The following FAM110B variants were observed in gnomAD, a reference collection of about 807,000 sequenced individuals.
FAM110B encodes the protein family with sequence similarity 110 member B, also known as protein FAM110B.
FAM110B carries 6 observed loss-of-function variants against 20.4 expected under a neutral mutation model. That is an observed-to-expected ratio of 0.29 (90% CI 0.16 to 0.58). The LOEUF (loss-of-function observed/expected upper bound fraction) is 0.58. Ranked by LOEUF, FAM110B falls within the 20% of genes least tolerant of loss-of-function variation. The pLI is 0.90. For synonymous variants in FAM110B, 226 were observed against 214.1 expected (o/e 1.06, Z -0.49); for missense variants, 434 against 498.2 (o/e 0.87, Z 1.23).
intron 3 of FAM110B, among the ~76,000 whole-genome samples, chr8:58,141,399 A>C (rs1291544409): frequency 6.6e-6 from 1 of 152,226 alleles, no homozygotes; most frequent in African/African-American, 2.4e-5. Flanking sequence ...CAGATTGAAC[A>C]CATTTGTTTT....
intron 3 of FAM110B, among the ~76,000 whole-genome samples, chr8:58,118,881 C>T (rs534799870): frequency 2.6e-5 from 4 of 152,318 alleles, no homozygotes; most frequent in Admixed American, 6.5e-5. Flanking sequence ...CAACCATATT[C>T]GTGCTGCTGG....
At chr8:58,010,082 T>C (rs1804497146) in intron 1 of FAM110B, among the ~76,000 whole-genome samples, 2 of 152,114 alleles carry the variant, frequency 1.3e-5, no homozygotes, top group African/African-American at 4.8e-5. Flanking sequence ...AGTGGCATGA[T>C]CTCAGCTCAC....
Position 58,146,055 on chromosome 8 carries a change from G to C in FAM110B, c.-176G>C. On this transcript the variant is annotated 5_prime_UTR_variant, in exon 4 of 4. Transcript: ENST00000519262. ...TGGAAGGGGAGAAAAGTGTATGAAA[G>C]CCACCGTGGCGGTTAATGAGCTGTG... is the stretch of plus-strand genomic sequence containing the variant. 1 of 679,634 alleles carries C rather than the reference G, an allele frequency of 1.5e-6. No individual in the cohort carries two copies. Among genetic ancestry groups the C allele is most frequent in the Non-Finnish European group, 2.4e-6 (1 of 417,764 alleles). 42.1% of individuals were successfully genotyped at this position (679,634 alleles called of 1,614,324 possible).
At chr8:58,092,404 C>A (rs1289473776) in intron 3 of FAM110B, among the ~76,000 whole-genome samples, 2 of 152,096 alleles carry the variant, frequency 1.3e-5, no homozygotes, top group Non-Finnish European at 2.9e-5. Context: ...TAACCCCCTA[C>A]CCCCCGACAG....
chr8:58,018,858 A>ATAGG (rs79504875), intron 1 of FAM110B, among the ~76,000 whole-genome samples: 4 of 151,208 alleles, frequency 2.6e-5, no homozygotes, highest in Admixed American at 6.6e-5. Flanking sequence ...AGATAGATAG[A>ATAGG]GAATCACCAT....
chr8:58,140,465 G>T (rs148453348), intron 3 of FAM110B, among the ~76,000 whole-genome samples: 3 of 152,116 alleles, frequency 2.0e-5, no homozygotes, highest in Admixed American at 6.5e-5. Context: ...CAACCATTAC[G>T]GGGCAGAACC....
intron 3 of FAM110B, among the ~76,000 whole-genome samples, chr8:58,098,566 T>G (rs994222481): frequency 2.0e-5 from 3 of 152,168 alleles, no homozygotes; most frequent in Admixed American, 1.3e-4. Flanking sequence ...TCTGTCTTGC[T>G]GGCATTCCAG....
intron 1 of FAM110B, among the ~76,000 whole-genome samples, chr8:58,024,427 C>G (rs903506722): frequency 2.6e-5 from 4 of 151,896 alleles, no homozygotes; most frequent in African/African-American, 7.3e-5. Flanking sequence ...TGATCCATAA[C>G]CAAAAAGGGA....
intron 1 of FAM110B, among the ~76,000 whole-genome samples, chr8:58,013,709 A>G (rs1016210914): frequency 1.3e-5 from 2 of 152,188 alleles, no homozygotes; most frequent in East Asian, 1.9e-4. Context: ...ATCCTCACCC[A>G]TAAACTACAG....
rs768531444 is a variant in FAM110B, at chr8:58,147,320, T to G, written c.1090T>G (p.Ser364Ala). 2 of 1,613,434 alleles carry G rather than the reference T, an allele frequency of 1.2e-6. No homozygotes were observed. Among genetic ancestry groups the G allele is most frequent in the African/African-American group, 2.7e-5 (2 of 74,888 alleles). ...ATATAGCATCAAACAAGCTAGAGAGTCACAGAAGGTCTCCCATGTGTAAGA... is the reference window on the plus strand; with the variant it reads ...ATATAGCATCAAACAAGCTAGAGAGGCACAGAAGGTCTCCCATGTGTAAGA... ...WLYSIKQARE[S>A]QKVSHV The change falls in exon 4 of 4, where the codon TCA (serine) becomes GCA (alanine). Residue 364 changes from serine to alanine, a missense_variant. Ser to Ala is a moderately conservative substitution (Grantham distance 99, BLOSUM62 1). Coordinates refer to ENST00000519262, the MANE Select transcript of FAM110B (RefSeq NM_001377989.1).
chr8:58,004,676 C>T (rs905712987), intron 1 of FAM110B, among the ~76,000 whole-genome samples: 4 of 152,312 alleles, frequency 2.6e-5, no homozygotes, highest in Middle Eastern at 3.4e-3. Context: ...GCCCGGGAAG[C>T]GGAGATTGCA....
At chr8:58,021,638 C>G (rs1177906086) in intron 1 of FAM110B, among the ~76,000 whole-genome samples, 1 of 152,152 alleles carries the variant, frequency 6.6e-6, no homozygotes, top group Admixed American at 6.5e-5. Flanking sequence ...AGAATATACA[C>G]TTTTAACCAC....
In FAM110B at chr8:58,146,089, CGCTGCTGCGGCCGCT is replaced by C; in HGVS notation, c.-134_-120del. 1 of 931,374 alleles carries C rather than the reference CGCTGCTGCGGCCGCT, an allele frequency of 1.1e-6. No homozygotes were observed. Among genetic ancestry groups the C allele is most frequent in the Non-Finnish European group, 1.6e-6 (1 of 632,602 alleles). 57.7% of individuals were successfully genotyped at this position (931,374 alleles called of 1,614,324 possible). ...GCGGTTAATGAGCTGTGAGATGAGG[CGCTGCTGCGGCCGCT>C]GCTGCTGACACTCGCTCCCAGGCTG... On this transcript the variant is annotated 5_prime_UTR_variant, in exon 4 of 4. It introduces an in-frame stop codon into an upstream open reading frame of the 5' UTR. Transcript: ENST00000519262.
chr8:58,066,523 T>A (rs997333949), intron 2 of FAM110B, among the ~76,000 whole-genome samples: 8 of 152,104 alleles, frequency 5.3e-5, no homozygotes, highest in Non-Finnish European at 8.8e-5. Flanking sequence ...GCTGAGTAAG[T>A]GTCTGGTATG....
intron 2 of FAM110B, among the ~76,000 whole-genome samples, chr8:58,043,497 T>G (rs1362431250): frequency 2.0e-5 from 3 of 151,908 alleles, no homozygotes; most frequent in Non-Finnish European, 4.4e-5. Flanking sequence ...TATTATACTT[T>G]AAGTTCTAGG....
At chr8:58,011,526 T>C (rs1465130536) in intron 1 of FAM110B, among the ~76,000 whole-genome samples, 1 of 152,270 alleles carries the variant, frequency 6.6e-6, no homozygotes. Context: ...GAACACGAGA[T>C]GTATGTTACG....
intron 1 of FAM110B, among the ~76,000 whole-genome samples, chr8:58,006,323 C>T (rs1368094964): frequency 2.6e-5 from 4 of 152,202 alleles, no homozygotes; most frequent in African/African-American, 9.7e-5. Flanking sequence ...AACGGCTCTT[C>T]ATCTGTTCCT....
At chr8:57,999,803 A>G (rs934358000) in intron 1 of FAM110B, among the ~76,000 whole-genome samples, 8 of 152,156 alleles carry the variant, frequency 5.3e-5, no homozygotes, top group Non-Finnish European at 1.0e-4. Context: ...AATGGGGGCC[A>G]CTTTTCCATC....
chr8:58,127,211 A>G (rs1406795264), intron 3 of FAM110B, among the ~76,000 whole-genome samples: 1 of 152,192 alleles, frequency 6.6e-6, no homozygotes, highest in Non-Finnish European at 1.5e-5. Context: ...AGTTGGCTTA[A>G]CTTGTGTGGG....
Sources: gnomAD v4.1 joint callset for allele counts (sites outside exome capture counted in the v4.1 genomes callset) on GRCh38, gnomAD v4.1.1 for gene constraint, MANE v1.5 for transcripts, NCBI Gene and HGNC (gene_info 2026-07-23, HGNC 2026-07-21) for gene names.